PRKG1: variants seen among roughly 807,000 people sequenced by gnomAD.
The protein encoded by PRKG1 is cGMP-dependent protein kinase 1.
In PRKG1, 35 loss-of-function variants were observed where a neutral mutation model predicts 88.1. The ratio of observed to expected loss-of-function variants is 0.40; its 90% CI spans 0.30 to 0.53. The LOEUF is 0.53. PRKG1 is among the 20% of genes least tolerant of loss of function. The pLI is 0.59. For missense variants in PRKG1, 540 were observed against 839.8 expected, an observed-to-expected ratio of 0.64 and a Z score of 4.41; for synonymous variants, 303 against 292.5, an observed-to-expected ratio of 1.04 and a Z score of -0.37.
In PRKG1 at chr10:51,373,657, A is replaced by G. The variant is rs186153132; in HGVS notation, c.479-94066A>G. On this transcript the variant is annotated intron_variant, in intron 2 of 17. Transcript: ENST00000373980. ...CCTTAATCAACCCAAATGCCCATCA[A>G]TGATAGACTGGATTTTTAAAAATGT... is the stretch of plus-strand genomic sequence containing the variant. 1.1e-4 allele frequency among the ~76,000 whole-genome samples: 17 copies of G among 152,174 alleles called. No homozygotes were observed. In the East Asian group the frequency reaches 3.1e-3, roughly 28 times the overall value.
At chr10:51,097,109 C>A (rs1168027588) in intron 1 of PRKG1, among the ~76,000 whole-genome samples, 1 of 152,188 alleles carries the variant, frequency 6.6e-6, no homozygotes, top group African/African-American at 2.4e-5. Context: ...TTCTGGTTGA[C>A]TCAGATCCTG....
chr10:51,058,101 C>T (rs148784746), intron 1 of PRKG1, among the ~76,000 whole-genome samples: 101 of 152,192 alleles, frequency 6.6e-4, no homozygotes, highest in African/African-American at 2.2e-3. Context: ...TGATGACTAA[C>T]GAAATGAGCA....
chr10:51,153,865 G>C (rs1846139932), intron 2 of PRKG1, among the ~76,000 whole-genome samples: 1 of 151,992 alleles, frequency 6.6e-6, no homozygotes. Context: ...ATCCTGTAAA[G>C]ACTAATATAG....
chr10:51,443,922 A>C (rs996330990), intron 2 of PRKG1, among the ~76,000 whole-genome samples: 4 of 150,072 alleles, frequency 2.7e-5, no homozygotes, highest in Non-Finnish European at 4.5e-5. Context: ...CTGTAAATTA[A>C]TAAAAATACA....
At chr10:51,770,703 T>A (rs1465720695) in intron 3 of PRKG1, among the ~76,000 whole-genome samples, 16 of 151,796 alleles carry the variant, frequency 1.1e-4, no homozygotes, top group Admixed American at 1.1e-3. Flanking sequence ...TTTAAGAGAG[T>A]TTAATGCCTG....
At chr10:52,036,560 G>T (rs955682769) in intron 5 of PRKG1, among the ~76,000 whole-genome samples, 34 of 151,998 alleles carry the variant, frequency 2.2e-4, no homozygotes, top group Admixed American at 2.6e-4. Context: ...GATGGTAACG[G>T]GTGCATGATT....
chr10:51,212,343 G>T (rs527591970), intron 2 of PRKG1, among the ~76,000 whole-genome samples: 2 of 152,152 alleles, frequency 1.3e-5, no homozygotes, highest in African/African-American at 4.8e-5. Flanking sequence ...TTACATGTTA[G>T]ACCTAAAACC....
At chr10:51,016,109 G>C (rs1843055500) in intron 1 of PRKG1, among the ~76,000 whole-genome samples, 1 of 152,194 alleles carries the variant, frequency 6.6e-6, no homozygotes, top group Non-Finnish European at 1.5e-5. Flanking sequence ...CGCAGTTTCA[G>C]TTGCTTTTAT....
chr10:51,686,232 A>G (rs140640988), intron 3 of PRKG1, among the ~76,000 whole-genome samples: 1,814 of 152,168 alleles, frequency 0.012, 42 homozygotes, highest in African/African-American at 0.042. Flanking sequence ...TTTGGTGTAC[A>G]ATTAATTTTA....
At chr10:51,187,851 A>G (rs1344000914) in intron 2 of PRKG1, among the ~76,000 whole-genome samples, 2 of 151,980 alleles carry the variant, frequency 1.3e-5, no homozygotes, top group African/African-American at 2.4e-5. Context: ...TTCCACTAGG[A>G]TGGTTAAAAT....
At chr10:51,425,858 G>T (rs1184958194) in intron 2 of PRKG1, among the ~76,000 whole-genome samples, 4 of 152,144 alleles carry the variant, frequency 2.6e-5, no homozygotes, top group Admixed American at 6.5e-5. Flanking sequence ...AGCAGAAAAT[G>T]GACACTTTAG....
intron 7 of PRKG1, among the ~76,000 whole-genome samples, chr10:52,104,008 A>AAT (rs138580126): frequency 0.068 from 9,885 of 145,274 alleles, 577 homozygotes; most frequent in East Asian, 0.36. Flanking sequence ...GTGTATATAT[A>AAT]ATATATATAT....
chr10:51,216,220 A>G (rs962179592), intron 2 of PRKG1, among the ~76,000 whole-genome samples: 1 of 152,224 alleles, frequency 6.6e-6, no homozygotes, highest in African/African-American at 2.4e-5. Flanking sequence ...TGGAAGTCTG[A>G]CTAAAGATAA....
upstream of PRKG1, chr10:51,074,274 C>T: frequency 3.4e-6 from 1 of 294,262 alleles, no homozygotes; most frequent in Non-Finnish European, 6.2e-6. Context: ...TCCCCCGCCA[C>T]CGCGCCTCCG....
chr10:51,187,930 A>T (rs1004564723), intron 2 of PRKG1, among the ~76,000 whole-genome samples: 4 of 151,964 alleles, frequency 2.6e-5, no homozygotes, highest in Non-Finnish European at 4.4e-5. Context: ...GACAAAAGTT[A>T]CTCTGCTGAT....
rs1733861894 is a variant in PRKG1 at position 51,615,315 on chromosome 10, A to G, written c.592+147479A>G. Among the ~76,000 whole-genome samples, 4 of 152,022 alleles carry G rather than the reference A, an allele frequency of 2.6e-5. No individual in the cohort carries two copies. The South Asian group carries it at 8.3e-4, about 31-fold the overall frequency. ...TTGACTATAATATACCATGAAGAAGACCTTTCTGCATTATATCTGTTTGGA... is the reference window on the plus strand; with the variant it reads ...TTGACTATAATATACCATGAAGAAGGCCTTTCTGCATTATATCTGTTTGGA... On this transcript the variant is annotated intron_variant, in intron 3 of 17. Transcript: ENST00000373980.
intron 3 of PRKG1, among the ~76,000 whole-genome samples, chr10:51,763,599 A>T (rs1049749846): frequency 7.3e-5 from 7 of 96,256 alleles, no homozygotes; most frequent in African/African-American, 3.2e-4. Context: ...ATACTGATCA[A>T]ATGCAAAAAA....
At chr10:51,710,988 C>A (rs1007565917) in intron 3 of PRKG1, among the ~76,000 whole-genome samples, 1 of 152,202 alleles carries the variant, frequency 6.6e-6, no homozygotes, top group East Asian at 1.9e-4. Flanking sequence ...TGAGCCACTG[C>A]GCCCAGCCAG....
At chr10:51,324,470 G>C (rs944609764) in intron 2 of PRKG1, among the ~76,000 whole-genome samples, 4 of 151,866 alleles carry the variant, frequency 2.6e-5, no homozygotes, top group Non-Finnish European at 5.9e-5. Flanking sequence ...ATTGTGGGCC[G>C]GGCGCGGTGG....
Sources: gnomAD v4.1 joint callset for allele counts (sites outside exome capture counted in the v4.1 genomes callset) on GRCh38, gnomAD v4.1.1 for gene constraint, MANE v1.5 for transcripts, NCBI Gene and HGNC (gene_info 2026-07-23, HGNC 2026-07-21) for gene names.